PTPRD: variants seen among roughly 807,000 people sequenced by gnomAD.
PTPRD encodes receptor-type tyrosine-protein phosphatase delta.
PTPRD carries 34 observed loss-of-function variants against 214.5 expected under a neutral mutation model. The observed-to-expected ratio is 0.16, with a 90% CI of 0.12 to 0.21. The LOEUF is 0.21. PTPRD is among the 10% of genes least tolerant of loss of function. The probability of loss-of-function intolerance (pLI) is 1.00; values close to 1 mark genes in which losing one functional copy is unlikely to be tolerated. For missense variants in PTPRD, 2,545 were observed against 2,398.7 expected, an observed-to-expected ratio of 1.06 and a Z score of -1.27; for synonymous variants, 1,128 against 845.7, an observed-to-expected ratio of 1.33 and a Z score of -5.79.
At chr9:8,626,233 C>G (rs894640369) in intron 14 of PTPRD, among the ~76,000 whole-genome samples, 12 of 151,774 alleles carry the variant, frequency 7.9e-5, no homozygotes, top group African/African-American at 2.9e-4. Context: ...TAAATATAAA[C>G]CTCAATTATG....
chr9:8,713,171 G>C, intron 12 of PTPRD: 1 of 560,508 alleles, frequency 1.8e-6, no homozygotes, highest in Non-Finnish European at 3.2e-6. Flanking sequence ...CTGCATAACT[G>C]TCAGTGCCAG....
intron 3 of PTPRD, among the ~76,000 whole-genome samples, chr9:10,282,317 ATGTTAATTGTTCAATACAGAACTT>A (rs1295971066): frequency 6.6e-6 from 1 of 152,186 alleles, no homozygotes; most frequent in Non-Finnish European, 1.5e-5. Context: ...TTGAGAATGA[ATGTTAATTGTTCAATACAGAACTT>A]TGTATGTGGA....
At chr9:8,826,286 G>C (rs1367363977) in intron 11 of PTPRD, among the ~76,000 whole-genome samples, 4 of 151,968 alleles carry the variant, frequency 2.6e-5, no homozygotes, top group Non-Finnish European at 5.9e-5. Context: ...TCCTTACAAA[G>C]CATCCAGAAT....
chr9:9,260,129 G>A (rs186615614), intron 9 of PTPRD, among the ~76,000 whole-genome samples: 6 of 151,936 alleles, frequency 3.9e-5, no homozygotes, highest in Admixed American at 1.3e-4. Context: ...TGCTATACAC[G>A]TAAATTAGGT....
rs1397393648 is a variant in PTPRD at position 10,505,915 on chromosome 9, A to C, written c.-600+106483T>G. ...CAATACATAAGCAGAAAAATAATCAATAAGTAGAAGGTGTATGAAAAGATG... is the reference window on the plus strand; with the variant it reads ...CAATACATAAGCAGAAAAATAATCACTAAGTAGAAGGTGTATGAAAAGATG... On this transcript the variant is annotated intron_variant, in intron 2 of 45. Coordinates refer to ENST00000381196, the MANE Select transcript of PTPRD (RefSeq NM_002839.4). Among the ~76,000 whole-genome samples the C allele has an allele frequency of 3.9e-5, 6 of 152,184 alleles. No homozygotes were observed. The East Asian group carries it at 1.2e-3, about 29-fold the overall frequency.
chr9:9,368,488 G>A (rs1204040912), intron 9 of PTPRD, among the ~76,000 whole-genome samples: 2 of 151,820 alleles, frequency 1.3e-5, no homozygotes, highest in Non-Finnish European at 2.9e-5. Context: ...CTGTAGCAGT[G>A]ATTCTTACAA....
chr9:9,729,719 A>G (rs1389336039), intron 7 of PTPRD, among the ~76,000 whole-genome samples: 1 of 152,076 alleles, frequency 6.6e-6, no homozygotes, highest in African/African-American at 2.4e-5. Flanking sequence ...TATCCTTTTT[A>G]TATTACCCAA....
At position 10,501,248 on chromosome 9, in the gene PTPRD, T is replaced by C. The variant is rs559042634; in HGVS notation, c.-600+111150A>G. Among the ~76,000 whole-genome samples the C allele has an allele frequency of 9.9e-5, 15 of 152,146 alleles. 1 individual carries two copies. The highest frequency in any genetic ancestry group is 3.6e-4 in the African/African-American group (15 of 41,570). ...AAAAGCCATTTTAACTGGGGTGAGATGATATCTCATTGTAGTCTTGATTTG... is the reference window on the plus strand; with the variant it reads ...AAAAGCCATTTTAACTGGGGTGAGACGATATCTCATTGTAGTCTTGATTTG... On this transcript the variant is annotated intron_variant, in intron 2 of 45. Coordinates refer to ENST00000381196, the MANE Select transcript of PTPRD (RefSeq NM_002839.4).
At position 10,469,324 on chromosome 9, in the gene PTPRD, C is replaced by G. The variant is rs1403683570; in HGVS notation, c.-599-128307G>C. On this transcript the variant is annotated intron_variant, in intron 2 of 45. Transcript: ENST00000381196. ...GTCAGCATTTATAAAAGTGTCTAAA[C>G]TATCAGGTGTATGGCAAAAAATTGA... Among the ~76,000 whole-genome samples, 58 of 152,058 alleles carry G rather than the reference C, an allele frequency of 3.8e-4. 1 individual carries two copies. The highest frequency in any genetic ancestry group is 3.8e-3 in the Admixed American group (58 of 15,242).
chr9:9,124,178 G>C (rs918682288), intron 10 of PTPRD, among the ~76,000 whole-genome samples: 2 of 152,144 alleles, frequency 1.3e-5, no homozygotes, highest in African/African-American at 4.8e-5. Flanking sequence ...ACATTATAAA[G>C]TATTATGCCA....
intron 11 of PTPRD, among the ~76,000 whole-genome samples, chr9:8,943,385 C>G (rs2099045132): frequency 6.6e-6 from 1 of 151,714 alleles, no homozygotes; most frequent in Non-Finnish European, 1.5e-5. Flanking sequence ...TACTACAGAG[C>G]TATACTAGCC....
At chr9:8,392,434 G>A (rs79915809) in intron 36 of PTPRD, among the ~76,000 whole-genome samples, 4,683 of 152,136 alleles carry the variant, frequency 0.031, 236 homozygotes, top group African/African-American at 0.11. Context: ...CCTGAGGTAG[G>A]AGGATCATTT....
chr9:9,843,947 C>T lies in PTPRD; in HGVS notation c.-367-77096G>A, dbSNP rs998148520. Reference sequence around the variant, plus strand: ...CTTAAGATTCATTGGGGAAGAGCTTCACTACATTTAATGGTTTTAATTAGA... The same window carrying T: ...CTTAAGATTCATTGGGGAAGAGCTTTACTACATTTAATGGTTTTAATTAGA... On this transcript the variant is annotated intron_variant, in intron 5 of 45. Coordinates refer to ENST00000381196, the MANE Select transcript of PTPRD (RefSeq NM_002839.4). Among the ~76,000 whole-genome samples the T allele has an allele frequency of 1.8e-4, 27 of 151,928 alleles. 1 individual carries two copies. The highest frequency in any genetic ancestry group is 6.0e-4 in the African/African-American group (25 of 41,412).
intron 9 of PTPRD, among the ~76,000 whole-genome samples, chr9:9,218,433 T>C (rs1332296435): frequency 6.6e-6 from 1 of 152,152 alleles, no homozygotes; most frequent in Non-Finnish European, 1.5e-5. Context: ...GCACCTCTTT[T>C]TCTCAGTAAC....
At chr9:10,409,078 G>C (rs1487929352) in intron 2 of PTPRD, among the ~76,000 whole-genome samples, 2 of 151,536 alleles carry the variant, frequency 1.3e-5, no homozygotes, top group Admixed American at 6.6e-5. Flanking sequence ...AGCTACAAAG[G>C]GTTTCACATT....
intron 11 of PTPRD, among the ~76,000 whole-genome samples, chr9:8,869,149 G>A (rs2098250350): frequency 6.6e-6 from 1 of 152,144 alleles, no homozygotes; most frequent in Admixed American, 6.6e-5. Context: ...GATTCTTGAT[G>A]CCTTTGTGTT....
At chr9:8,350,448 T>C (rs151258743) in intron 39 of PTPRD, among the ~76,000 whole-genome samples, 40 of 152,326 alleles carry the variant, frequency 2.6e-4, no homozygotes, top group African/African-American at 9.1e-4. Flanking sequence ...CATAATGGTA[T>C]ATGAACTACA....
chr9:9,307,907 A>G (rs2135304044), intron 9 of PTPRD, among the ~76,000 whole-genome samples: 1 of 152,270 alleles, frequency 6.6e-6, no homozygotes, highest in South Asian at 2.1e-4. Flanking sequence ...CTCCACAGCG[A>G]CTTTGCCTAT....
chr9:10,219,975 T>A (rs2099560043), intron 3 of PTPRD, among the ~76,000 whole-genome samples: 1 of 151,670 alleles, frequency 6.6e-6, no homozygotes, highest in Non-Finnish European at 1.5e-5. Context: ...TTTCTATAAT[T>A]TAATAAAATG....
Sources: allele counts gnomAD v4.1 joint callset (sites outside exome capture counted in the v4.1 genomes callset), GRCh38; gene constraint gnomAD v4.1.1; transcripts MANE v1.5; gene names NCBI Gene and HGNC (gene_info 2026-07-23, HGNC 2026-07-21).